KCNK17: variants seen among roughly 807,000 people sequenced by gnomAD.
The protein encoded by KCNK17 is potassium channel subfamily K member 17.
KCNK17 carries 27 observed loss-of-function variants against 24.6 expected under a neutral mutation model. The observed-to-expected ratio is 1.10, with a 90% CI of 0.81 to 1.51. The LOEUF is 1.51. Among genes scored for constraint, KCNK17 ranks in the 40% most tolerant of loss-of-function variants. KCNK17 has a pLI of 0.00. For synonymous variants in KCNK17, 181 were observed against 189.8 expected, an observed-to-expected ratio of 0.95 and a Z score of 0.38; for missense variants, 450 against 436.6, an observed-to-expected ratio of 1.03 and a Z score of -0.27.
At chr6:39,303,328 C>G (rs367941788) in intron 4 of KCNK17, among the ~76,000 whole-genome samples, 17 of 152,310 alleles carry the variant, frequency 1.1e-4, no homozygotes, top group African/African-American at 3.6e-4. Context: ...GGGGCGCAGC[C>G]ACTCCGCCAC....
intron 4 of KCNK17, 21 bp downstream of exon 4, chr6:39,303,936 C>T: frequency 6.2e-7 from 1 of 1,607,650 alleles, no homozygotes; most frequent in Non-Finnish European, 8.5e-7. Flanking sequence ...CCCCGCCAGC[C>T]CAACCGCCAG....
In KCNK17 at chr6:39,304,484, A is replaced by G. The variant is rs1368817685; in HGVS notation, c.513+11T>C. 6.2e-7 allele frequency: 1 copy of G among 1,608,836 alleles called. No homozygotes were observed. Reference sequence around the variant, plus strand: ...GTGACCCATCCCCACCCCGTCCAGCAGCCCCCTCACCTGCCAGGTGCCCCC... The same window carrying G: ...GTGACCCATCCCCACCCCGTCCAGCGGCCCCCTCACCTGCCAGGTGCCCCC... On this transcript the variant is annotated intron_variant, in intron 3 of 4. Transcript: ENST00000373231.
chr6:39,309,925 C>A (rs535186735), intron 2 of KCNK17, among the ~76,000 whole-genome samples: 6 of 152,282 alleles, frequency 3.9e-5, no homozygotes, highest in Non-Finnish European at 8.8e-5. Context: ...CAAGGATTGC[C>A]CAAGCTCCCA....
intron 4 of KCNK17, among the ~76,000 whole-genome samples, chr6:39,303,437 G>A (rs1761977642): frequency 6.6e-6 from 1 of 152,228 alleles, no homozygotes; most frequent in Non-Finnish European, 1.5e-5. Context: ...CCTAGGTTGG[G>A]TTGTGCCACT....
At position 39,299,185 on chromosome 6, in the gene KCNK17, G is replaced by A. The variant is rs577088456; in HGVS notation, c.*242C>T. On this transcript the variant is annotated 3_prime_UTR_variant, in exon 5 of 5. Transcript: ENST00000373231. ...AGAGCTCCCAGCCATCATATCGGCGGCATTGCAGCCCGCTAAAGTAAGGAA... is the reference window on the plus strand; with the variant it reads ...AGAGCTCCCAGCCATCATATCGGCGACATTGCAGCCCGCTAAAGTAAGGAA... The A allele has an allele frequency of 3.9e-6, 2 of 510,554 alleles. No individual in the cohort carries two copies. The highest frequency in any genetic ancestry group is 6.7e-5 in the East Asian group (2 of 29,784). 31.6% of individuals were successfully genotyped at this position (510,554 alleles called of 1,614,324 possible).
Position 39,314,253 on chromosome 6 carries a change from ACGGT to A in KCNK17, c.64_67del (p.Thr22CysfsTer55). On this transcript the variant is annotated frameshift_variant, in exon 1 of 5. Coordinates refer to ENST00000373231, the MANE Select transcript of KCNK17 (RefSeq NM_031460.4). LOFTEE classifies it high-confidence loss of function. ...AGCCAGGTAGGCGAGCAGCAGGAGC[ACGGT>A]GCTGGGCACCGCGCAGCCCCGGACC... 6.5e-7 allele frequency: 1 copy of A among 1,534,992 alleles called. No homozygotes were observed. The highest frequency in any genetic ancestry group is 8.7e-7 in the Non-Finnish European group (1 of 1,145,466).
In KCNK17 at chr6:39,299,166, C is replaced by A. The variant is rs1761898306; in HGVS notation, c.*261G>T. The A allele has an allele frequency of 1.9e-5, 9 of 485,626 alleles. No individual in the cohort carries two copies. The South Asian group carries it at 2.4e-4, about 13-fold the overall frequency. 30.1% of individuals were successfully genotyped at this position (485,626 alleles called of 1,614,324 possible). A position where few individuals can be genotyped will look rare whatever the true frequency, so the allele number is the denominator to read the frequency against. ...ATGGTGCCGTATGGCTGCCAGAGCT[C>A]CCAGCCATCATATCGGCGGCATTGC... On this transcript the variant is annotated 3_prime_UTR_variant, in exon 5 of 5. Coordinates refer to ENST00000373231, the MANE Select transcript of KCNK17 (RefSeq NM_031460.4).
intron 4 of KCNK17, among the ~76,000 whole-genome samples, chr6:39,300,040 T>C (rs1019628767): frequency 2.0e-5 from 3 of 152,188 alleles, no homozygotes; most frequent in Non-Finnish European, 4.4e-5. Context: ...CCTGAGAGCT[T>C]GTTGGAAATG....
chr6:39,313,079 C>T (rs1011628293), intron 1 of KCNK17, among the ~76,000 whole-genome samples: 10 of 152,190 alleles, frequency 6.6e-5, no homozygotes, highest in Non-Finnish European at 5.9e-5. Context: ...GGATTCTGGG[C>T]TGGCGCGCAG....
chr6:39,303,874 A>G, intron 4 of KCNK17, 83 bp downstream of exon 4: 1 of 1,433,450 alleles, frequency 7.0e-7, no homozygotes, highest in Non-Finnish European at 9.6e-7. Flanking sequence ...TGCACACAGC[A>G]GGTGCGCCAG....
chr6:39,299,799 C>T (rs906360619), intron 4 of KCNK17, 62 bp from the exon 5 acceptor site: 1 of 1,517,906 alleles, frequency 6.6e-7, no homozygotes, highest in African/African-American at 1.4e-5. Flanking sequence ...ATTCCCCAAA[C>T]AGAAACAGAG....
At position 39,314,289 on chromosome 6, in the gene KCNK17, T is replaced by A; in HGVS notation, c.32A>T (p.Glu11Val). 1 of 1,471,598 alleles carries A rather than the reference T, an allele frequency of 6.8e-7. No individual in the cohort carries two copies. Among genetic ancestry groups the A allele is most frequent in the Non-Finnish European group, 9.0e-7 (1 of 1,115,250 alleles). The allele number at this position is 1,471,598 out of a possible 1,614,324, so 91.2% of individuals were successfully genotyped here. The change falls in exon 1 of 5, where the codon GAG (glutamate) becomes GTG (valine). Residue 11 changes from glutamate (E) to valine (V), a missense_variant. Glu to Val is a moderately radical substitution (Grantham distance 121, BLOSUM62 -2). Transcript: ENST00000373231. Reference protein sequence around the residue: MYRPRARAAPEGRVRGCAVPS... With the variant: MYRPRARAAPVGRVRGCAVPS... ...CACCGCGCAGCCCCGGACCCTGCCC[T>A]CGGGAGCCGCCCGGGCTCGCGGTCG...
Position 39,314,332 on chromosome 6 carries a change from CG to C in KCNK17, c.-13del. The C allele has an allele frequency of 7.2e-7, 1 of 1,395,614 alleles. No individual in the cohort carries two copies. The allele number at this position is 1,395,614 out of a possible 1,614,324, so 86.5% of individuals were successfully genotyped here. A position where few individuals can be genotyped will look rare whatever the true frequency, so the allele number is the denominator to read the frequency against. On this transcript the variant is annotated 5_prime_UTR_variant, in exon 1 of 5. Coordinates refer to ENST00000373231, the MANE Select transcript of KCNK17 (RefSeq NM_031460.4). ...CGCGGTCGGTACATAGCGGGAGAGGCGGGGAGCCGGCGCCGGGAGCGGTGGA... is the reference window on the plus strand; with the variant it reads ...CGCGGTCGGTACATAGCGGGAGAGGCGGGAGCCGGCGCCGGGAGCGGTGGA...
At chr6:39,313,869 CTA>C (rs1762208240) in intron 1 of KCNK17, among the ~76,000 whole-genome samples, 1 of 152,238 alleles carries the variant, frequency 6.6e-6, no homozygotes, top group Non-Finnish European at 1.5e-5. Context: ...AGTCCTCTCG[CTA>C]GGGCGAGGGT....
At chr6:39,300,631 C>A in intron 4 of KCNK17, 1 of 1,118,360 alleles carries the variant, frequency 8.9e-7, no homozygotes, top group Non-Finnish European at 1.3e-6. Flanking sequence ...ATGGGGAATA[C>A]GACTGCGCCC....
At chr6:39,311,064 C>A in intron 1 of KCNK17, 57 bp from the exon 2 acceptor site, 3 of 833,144 alleles carry the variant, frequency 3.6e-6, no homozygotes, top group East Asian at 2.5e-5. Flanking sequence ...TTTCCTGTAC[C>A]CCAAGATGCA....
intron 2 of KCNK17, among the ~76,000 whole-genome samples, chr6:39,308,606 G>A (rs2113838978): frequency 6.6e-6 from 1 of 152,246 alleles, no homozygotes; most frequent in South Asian, 2.1e-4. Context: ...TTTATTTGTT[G>A]AACAAATGGA....
rs1456467905 is a variant in KCNK17 at position 39,314,071 on chromosome 6, G to T, written c.237+13C>A. 6.5e-7 allele frequency: 1 copy of T among 1,550,376 alleles called. No homozygotes were observed. The highest frequency in any genetic ancestry group is 2.4e-5 in the East Asian group (1 of 41,968). On this transcript the variant is annotated intron_variant, in intron 1 of 4. Coordinates refer to ENST00000373231, the MANE Select transcript of KCNK17 (RefSeq NM_031460.4). Reference sequence around the variant, plus strand: ...ATCCCGCCGCGCCCAGGCCGACGCCGCTCGCCCCTGACCCGGATCAGCGAG... The same window carrying T: ...ATCCCGCCGCGCCCAGGCCGACGCCTCTCGCCCCTGACCCGGATCAGCGAG...
At position 39,314,096 on chromosome 6, in the gene KCNK17, G is replaced by C. The variant is rs1229322929; in HGVS notation, c.225C>G (p.Asp75Glu). ...NFTCLDRPAL[D>E]SLIRDVVQAY... ...GCTCGCCCCTGACCCGGATCAGCGA[G>C]TCCAGCGCCGGGCGGTCCAGACACG... The change falls in exon 1 of 5, where the codon GAC becomes GAG. Residue 75 changes from aspartate to glutamate, a missense_variant. Physicochemically the swap from Asp to Glu is conservative, Grantham distance 45 (BLOSUM62 2). Transcript: ENST00000373231. 6.3e-7 allele frequency: 1 copy of C among 1,585,776 alleles called. No individual in the cohort carries two copies.
Sources: gnomAD v4.1 joint callset for allele counts (sites outside exome capture counted in the v4.1 genomes callset) on GRCh38, gnomAD v4.1.1 for gene constraint, MANE v1.5 for transcripts, NCBI Gene and HGNC (gene_info 2026-07-23, HGNC 2026-07-21) for gene names.